Variants in NUP205 observed in about 807,000 individuals in gnomAD.
The protein encoded by NUP205 is nucleoporin 205.
In NUP205, 76 loss-of-function variants were observed where a neutral mutation model predicts 253.8. That is an observed-to-expected ratio of 0.30 (90% CI 0.25 to 0.36). The LOEUF (loss-of-function observed/expected upper bound fraction) is 0.36, where lower values mean the gene tolerates loss of function less well. NUP205 is among the 10% of genes least tolerant of loss of function. NUP205 has a pLI of 1.00. For missense variants in NUP205, 2,162 were observed against 2,425.5 expected (o/e 0.89, Z 2.28); for synonymous variants, 832 against 850.1 (o/e 0.98, Z 0.37).
At chr7:135,602,553 C>T (rs922944720) in intron 17 of NUP205, among the ~76,000 whole-genome samples, 3 of 152,172 alleles carry the variant, frequency 2.0e-5, no homozygotes, top group African/African-American at 7.2e-5. Flanking sequence ...TTTGAGAATC[C>T]ATTCCATGGG....
chr7:135,560,198 G>C (rs1421925604), intron 1 of NUP205, among the ~76,000 whole-genome samples: 1 of 151,556 alleles, frequency 6.6e-6, no homozygotes, highest in Non-Finnish European at 1.5e-5. Flanking sequence ...GTTTCACCAT[G>C]TTGGCCAGAC....
intron 31 of NUP205, among the ~76,000 whole-genome samples, chr7:135,624,568 G>A (rs1413718395): frequency 1.3e-5 from 2 of 151,936 alleles, no homozygotes; most frequent in East Asian, 3.9e-4. Flanking sequence ...TAGTAGAGAT[G>A]GAGTTTCACC....
At chr7:135,582,752 AC>A (rs886864393) in intron 7 of NUP205, among the ~76,000 whole-genome samples, 2 of 150,824 alleles carry the variant, frequency 1.3e-5, no homozygotes, top group African/African-American at 4.9e-5. Context: ...GAGCCACCAC[AC>A]CTGGCTGATA....
chr7:135,643,204 C>T lies in NUP205; in HGVS notation c.5405C>T (p.Pro1802Leu). 2 of 1,613,856 alleles carry T rather than the reference C, an allele frequency of 1.2e-6. No homozygotes were observed. Among genetic ancestry groups the T allele is most frequent in the South Asian group, 2.2e-5 (2 of 91,056 alleles). The change falls in exon 39 of 43, where the codon CCA (proline) becomes CTA (leucine). Residue 1802 changes from proline to leucine, a missense_variant. Physicochemically the swap from Pro to Leu is moderately conservative, Grantham distance 98 (BLOSUM62 -3). Coordinates refer to ENST00000285968, the MANE Select transcript of NUP205 (RefSeq NM_015135.3). ...RDGPRQDTQAPVVPYWRLPGL... is the reference protein window; with the variant it reads ...RDGPRQDTQALVVPYWRLPGL... ...TCACCTCTATTAGATACCCAAGCTCCAGTGGTTCCATACTGGCGCCTGCCT... is the reference window on the plus strand; with the variant it reads ...TCACCTCTATTAGATACCCAAGCTCTAGTGGTTCCATACTGGCGCCTGCCT...
At chr7:135,617,852 A>G (rs1188235105) in intron 27 of NUP205, among the ~76,000 whole-genome samples, 170 bp downstream of exon 27, 1 of 151,098 alleles carries the variant, frequency 6.6e-6, no homozygotes, top group Non-Finnish European at 1.5e-5. Flanking sequence ...AAACTGAACT[A>G]TCTGGTATGC....
At chr7:135,563,538 A>G (rs12707240) in intron 1 of NUP205, among the ~76,000 whole-genome samples, 53,857 of 151,962 alleles carry the variant, frequency 0.35, 10,183 homozygotes, top group East Asian at 0.66. Context: ...TCACTGCAGT[A>G]TAATCTTACC....
intron 1 of NUP205, among the ~76,000 whole-genome samples, chr7:135,567,430 A>G: frequency 6.9e-6 from 1 of 144,788 alleles, no homozygotes; most frequent in East Asian, 2.0e-4. Flanking sequence ...TATACCAAAA[A>G]AAAAAAAAAA....
chr7:135,566,885 G>A (rs1339821770), intron 1 of NUP205, among the ~76,000 whole-genome samples: 2 of 151,258 alleles, frequency 1.3e-5, no homozygotes, highest in African/African-American at 2.4e-5. Flanking sequence ...CTACAGGTGC[G>A]CACCACCATG....
chr7:135,605,268 C>T (rs1019322786), intron 19 of NUP205, among the ~76,000 whole-genome samples: 15 of 152,136 alleles, frequency 9.9e-5, no homozygotes, highest in Middle Eastern at 3.2e-3. Context: ...GTGCCCATCT[C>T]GGCCTCCCAA....
chr7:135,588,728 A>G (rs1046701330), intron 10 of NUP205, among the ~76,000 whole-genome samples: 1 of 151,208 alleles, frequency 6.6e-6, no homozygotes, highest in Non-Finnish European at 1.5e-5. Context: ...TTAGTTCTCC[A>G]TAGGCATGAC....
At position 135,619,501 on chromosome 7, in the gene NUP205, C is replaced by G. The variant is rs747415086; in HGVS notation, c.4042C>G (p.Gln1348Glu). 2 of 1,614,030 alleles carry G rather than the reference C, an allele frequency of 1.2e-6. No individual in the cohort carries two copies. The highest frequency in any genetic ancestry group is 8.5e-7 in the Non-Finnish European group (1 of 1,180,004). The change falls in exon 29 of 43, where the codon CAG (glutamine) becomes GAG (glutamate). Residue 1348 changes from glutamine to glutamate, a missense_variant. Physicochemically the swap from Gln to Glu is conservative, Grantham distance 29. Transcript: ENST00000285968. ...GTTCACACTGACTGCTCACCTAAGC[C>G]AGGCCGTCCTCACTGAACAGAAGGA... ...AVFTLTAHLS[Q>E]AVLTEQKETS...
intron 2 of NUP205, among the ~76,000 whole-genome samples, chr7:135,572,876 A>T (rs896866496): frequency 5.3e-5 from 8 of 151,730 alleles, no homozygotes; most frequent in Admixed American, 5.3e-4. Context: ...TTTTATATAC[A>T]GCAAGGAAGC....
At chr7:135,577,718 A>C (rs537648311) in intron 5 of NUP205, 78 bp from the exon 6 acceptor site, 2 of 1,054,544 alleles carry the variant, frequency 1.9e-6, no homozygotes, top group Non-Finnish European at 2.8e-6. Flanking sequence ...AGCCTTTGTA[A>C]AAGGTAGTTT....
chr7:135,603,086 T>A, intron 18 of NUP205, 92 bp downstream of exon 18: 1 of 675,574 alleles, frequency 1.5e-6, no homozygotes, highest in Non-Finnish European at 2.3e-6. Flanking sequence ...GTGCATCACC[T>A]TTTTTTTTAT....
chr7:135,619,323 C>A, intron 28 of NUP205, 100 bp from the exon 29 acceptor site: 2 of 1,276,362 alleles, frequency 1.6e-6, no homozygotes, highest in Non-Finnish European at 2.2e-6. Flanking sequence ...GCCTCGGTGA[C>A]AGAGCGAGAC....
intron 1 of NUP205, among the ~76,000 whole-genome samples, chr7:135,565,357 A>G (rs79446154): frequency 0.025 from 3,817 of 152,118 alleles, 79 homozygotes; most frequent in South Asian, 0.077. Context: ...TTGATGACCA[A>G]TTCTGAGTCC....
intron 1 of NUP205, among the ~76,000 whole-genome samples, chr7:135,562,545 CTTTTT>C (rs34482653): frequency 3.1e-5 from 3 of 97,394 alleles, no homozygotes; most frequent in African/African-American, 7.8e-5. Context: ...GACCAAAATC[CTTTTT>C]TTTTTTTTTT....
intron 3 of NUP205, 75 bp from the exon 4 acceptor site, chr7:135,576,195 G>T: frequency 7.7e-7 from 1 of 1,297,786 alleles, no homozygotes. Context: ...ACTGAACATT[G>T]TTATATTGAT....
At chr7:135,592,895 A>C in intron 11 of NUP205, 92 bp from the exon 12 acceptor site, 2 of 992,534 alleles carry the variant, frequency 2.0e-6, no homozygotes, top group Non-Finnish European at 3.0e-6. Flanking sequence ...AAAAAAGAAA[A>C]AAGTATATTG....
Sources: gnomAD v4.1 joint callset for allele counts (sites outside exome capture counted in the v4.1 genomes callset) on GRCh38, gnomAD v4.1.1 for gene constraint, MANE v1.5 for transcripts, NCBI Gene and HGNC (gene_info 2026-07-23, HGNC 2026-07-21) for gene names.